Variants in NELL1 observed in about 807,000 individuals in gnomAD.
NELL1 encodes the protein protein kinase C-binding protein NELL1.
In NELL1, 76 loss-of-function variants were observed where a neutral mutation model predicts 107.4. The ratio of observed to expected loss-of-function variants is 0.71; its 90% CI spans 0.59 to 0.86. NELL1 has a LOEUF of 0.86. Ranked by LOEUF, NELL1 falls within the 40% of genes least tolerant of loss-of-function variation. The pLI is 0.00. For missense variants in NELL1, 1,024 were observed against 1,005.5 expected (o/e 1.02, Z -0.25); for synonymous variants, 353 against 341.2 (o/e 1.03, Z -0.38).
At chr11:20,672,917 T>C (rs1351461099) in intron 1 of NELL1, among the ~76,000 whole-genome samples, 2 of 143,988 alleles carry the variant, frequency 1.4e-5, no homozygotes, top group African/African-American at 5.3e-5. Flanking sequence ...AGCGACATGA[T>C]CTCGGCTCAC....
At chr11:21,025,175 G>T (rs933919032) in intron 12 of NELL1, among the ~76,000 whole-genome samples, 2 of 151,946 alleles carry the variant, frequency 1.3e-5, no homozygotes, top group Non-Finnish European at 2.9e-5. Context: ...ATGGTTATTT[G>T]TGCATCCATT....
chr11:21,061,520 C>T (rs1453408481), intron 12 of NELL1, among the ~76,000 whole-genome samples: 1 of 152,152 alleles, frequency 6.6e-6, no homozygotes. Context: ...ACTAGCTAGC[C>T]TTGGACAAGG....
intron 1 of NELL1, among the ~76,000 whole-genome samples, chr11:20,673,358 T>A (rs1293825800): frequency 6.6e-6 from 1 of 152,168 alleles, no homozygotes. Context: ...GGCCCAAACC[T>A]GATTAAGTGG....
chr11:20,814,162 A>AT (rs1376789368), intron 3 of NELL1, among the ~76,000 whole-genome samples: 2 of 151,666 alleles, frequency 1.3e-5, no homozygotes, highest in African/African-American at 2.4e-5. Context: ...CGCCCGGCTA[A>AT]TTTTTGCATT....
chr11:20,968,064 A>T (rs957191312), intron 12 of NELL1, among the ~76,000 whole-genome samples: 3 of 152,158 alleles, frequency 2.0e-5, no homozygotes, highest in Non-Finnish European at 4.4e-5. Context: ...ATGTAGTTCA[A>T]ATGCCACTTC....
At chr11:21,043,509 G>A (rs777812583) in intron 12 of NELL1, among the ~76,000 whole-genome samples, 1 of 152,076 alleles carries the variant, frequency 6.6e-6, no homozygotes, top group Non-Finnish European at 1.5e-5. Context: ...CGTTATGAAA[G>A]GTCCATGGGC....
chr11:20,901,402 C>T (rs7105184), intron 5 of NELL1, among the ~76,000 whole-genome samples: 85,831 of 151,846 alleles, frequency 0.57, 29,442 homozygotes, highest in Non-Finnish European at 0.77. Flanking sequence ...TACATGACAC[C>T]TATAAAGAAA....
At chr11:21,107,502 A>G (rs1216629952) in intron 12 of NELL1, among the ~76,000 whole-genome samples, 1 of 152,180 alleles carries the variant, frequency 6.6e-6, no homozygotes, top group Non-Finnish European at 1.5e-5. Context: ...GCCAAGAGCT[A>G]TGCTTTTGTG....
chr11:21,144,776 C>T (rs1333262859), intron 13 of NELL1, among the ~76,000 whole-genome samples: 2 of 152,126 alleles, frequency 1.3e-5, no homozygotes, highest in Non-Finnish European at 2.9e-5. Flanking sequence ...GTTTGAGTGG[C>T]AGGGTATGCT....
chr11:21,353,788 T>C (rs1286179949), intron 14 of NELL1, among the ~76,000 whole-genome samples: 1 of 152,180 alleles, frequency 6.6e-6, no homozygotes, highest in Non-Finnish European at 1.5e-5. Flanking sequence ...TAATTAATAA[T>C]TCTAATGCTT....
At chr11:21,553,199 G>C (rs759150333) in intron 16 of NELL1, among the ~76,000 whole-genome samples, 2 of 151,844 alleles carry the variant, frequency 1.3e-5, no homozygotes, top group Non-Finnish European at 2.9e-5. Context: ...TTGAGAGAAT[G>C]ATCTGTCAAA....
chr11:21,483,264 T>C (rs973113723), intron 15 of NELL1, among the ~76,000 whole-genome samples: 1 of 152,166 alleles, frequency 6.6e-6, no homozygotes, highest in African/African-American at 2.4e-5. Flanking sequence ...CTCAACTACC[T>C]AGAGACCGAA....
At chr11:21,318,809 G>A (rs1849938592) in intron 14 of NELL1, among the ~76,000 whole-genome samples, 1 of 152,004 alleles carries the variant, frequency 6.6e-6, no homozygotes, top group African/African-American at 2.4e-5. Context: ...ATTTCTGCTA[G>A]GAGTAAATCA....
At chr11:21,370,555 T>C (rs1851334330) in intron 14 of NELL1, among the ~76,000 whole-genome samples, 1 of 152,102 alleles carries the variant, frequency 6.6e-6, no homozygotes, top group South Asian at 2.1e-4. Flanking sequence ...TTTATTCTAT[T>C]TGATTTCAAA....
intron 15 of NELL1, among the ~76,000 whole-genome samples, chr11:21,514,228 T>C (rs1445082480): frequency 1.3e-5 from 2 of 152,204 alleles, no homozygotes; most frequent in Non-Finnish European, 2.9e-5. Flanking sequence ...CAAATAACAA[T>C]TTAACATTGT....
intron 14 of NELL1, among the ~76,000 whole-genome samples, chr11:21,366,231 C>T (rs1446539522): frequency 6.6e-6 from 1 of 152,006 alleles, no homozygotes; most frequent in East Asian, 1.9e-4. Flanking sequence ...CAGAAGAAGG[C>T]CGACTTATCC....
intron 16 of NELL1, among the ~76,000 whole-genome samples, chr11:21,541,973 T>G (rs1856303159): frequency 6.6e-6 from 1 of 152,058 alleles, no homozygotes; most frequent in African/African-American, 2.4e-5. Context: ...TACAAAAGCA[T>G]CAACCTCATA....
At chr11:20,895,973 T>C (rs531111394) in intron 5 of NELL1, among the ~76,000 whole-genome samples, 1 of 152,180 alleles carries the variant, frequency 6.6e-6, no homozygotes, top group Non-Finnish European at 1.5e-5. Context: ...GATTTGGTGT[T>C]TATTTTTTAT....
At chr11:21,405,069 A>G (rs1590905739) in intron 15 of NELL1, among the ~76,000 whole-genome samples, 1 of 152,138 alleles carries the variant, frequency 6.6e-6, no homozygotes, top group Non-Finnish European at 1.5e-5. Context: ...AATTCTATGA[A>G]GATTCCTAGC....
Sources: gnomAD v4.1 joint callset for allele counts (sites outside exome capture counted in the v4.1 genomes callset) on GRCh38, gnomAD v4.1.1 for gene constraint, MANE v1.5 for transcripts, NCBI Gene and HGNC (gene_info 2026-07-23, HGNC 2026-07-21) for gene names.